The following GRIP1 variants were observed in gnomAD, a reference collection of about 807,000 sequenced individuals.
GRIP1 encodes the protein glutamate receptor-interacting protein 1.
In GRIP1, 45 loss-of-function variants were observed where a neutral mutation model predicts 129.9. The observed-to-expected ratio is 0.35, with a 90% CI of 0.27 to 0.44. The LOEUF (loss-of-function observed/expected upper bound fraction) is 0.44, where lower values mean the gene tolerates loss of function less well. GRIP1 is among the 20% of genes least tolerant of loss of function. The pLI is 1.00. For synonymous variants in GRIP1, 530 were observed against 520.8 expected, an observed-to-expected ratio of 1.02 and a Z score of -0.24; for missense variants, 1,196 against 1,396.8, an observed-to-expected ratio of 0.86 and a Z score of 2.29.
rs887009600 is a variant in GRIP1, at chr12:66,424,557, C to G, written c.1769-3768G>C. Among the ~76,000 whole-genome samples, 26 of 152,260 alleles carry G rather than the reference C, an allele frequency of 1.7e-4. No individual in the cohort carries two copies. The East Asian group carries it at 2.5e-3, about 15-fold the overall frequency. On this transcript the variant is annotated intron_variant, in intron 14 of 24. Transcript: ENST00000359742. ...TAGACCACTAACATACTCATATACC[C>G]TTCTTGTCCCCCCATTTTCCCAATA...
At chr12:66,517,360 T>C (rs1310890923) in intron 6 of GRIP1, among the ~76,000 whole-genome samples, 7 of 152,152 alleles carry the variant, frequency 4.6e-5, no homozygotes, top group African/African-American at 1.7e-4. Flanking sequence ...AAGAAAACTC[T>C]ACAGACTAAT....
Position 66,901,970 on chromosome 12 carries a change from T to C in GRIP1, c.58+167080A>G, listed in dbSNP as rs545073994. Among the ~76,000 whole-genome samples, 11 of 152,338 alleles carry C rather than the reference T, an allele frequency of 7.2e-5. No homozygotes were observed. The East Asian group carries it at 2.1e-3, about 29-fold the overall frequency. Reference sequence around the variant, plus strand: ...TAAGTATTTCTTGCTGAGTTGATCCTTCAGATCATGTGCATATGGGCAGAA... The same window carrying C: ...TAAGTATTTCTTGCTGAGTTGATCCCTCAGATCATGTGCATATGGGCAGAA... On this transcript the variant is annotated intron_variant, in intron 1 of 1. Transcript: ENST00000643019.
At chr12:66,726,214 T>C (rs1007612469) in intron 1 of GRIP1, among the ~76,000 whole-genome samples, 1 of 152,202 alleles carries the variant, frequency 6.6e-6, no homozygotes, top group African/African-American at 2.4e-5. Context: ...CATGAGTTAA[T>C]TTTCTCACAC....
chr12:66,901,029 A>G (rs991820597), intron 1 of GRIP1, among the ~76,000 whole-genome samples: 1 of 152,190 alleles, frequency 6.6e-6, no homozygotes, highest in Non-Finnish European at 1.5e-5. Flanking sequence ...CATGAATGAA[A>G]ATGAACCAGA....
chr12:66,976,299 C>A (rs1343368320), intron 1 of GRIP1, among the ~76,000 whole-genome samples: 3 of 152,258 alleles, frequency 2.0e-5, no homozygotes, highest in East Asian at 1.9e-4. Flanking sequence ...TGATACTGAA[C>A]ATATTTTCAT....
chr12:66,622,086 T>C (rs1029501697), intron 1 of GRIP1, among the ~76,000 whole-genome samples: 2 of 152,154 alleles, frequency 1.3e-5, no homozygotes, highest in Non-Finnish European at 2.9e-5. Context: ...GTACAAAAGG[T>C]TTTAATTTGG....
chr12:66,640,887 A>G (rs1454408685), intron 1 of GRIP1, among the ~76,000 whole-genome samples: 1 of 152,234 alleles, frequency 6.6e-6, no homozygotes, highest in Non-Finnish European at 1.5e-5. Context: ...GAAGTAGTTC[A>G]TAAATCCCAC....
chr12:66,737,692 ATCACT>A (rs1224886986), intron 1 of GRIP1, among the ~76,000 whole-genome samples: 1 of 152,176 alleles, frequency 6.6e-6, no homozygotes, highest in Non-Finnish European at 1.5e-5. Flanking sequence ...ATATTGCCAC[ATCACT>A]TCACTGTATC....
chr12:66,704,213 T>C (rs1047834121), intron 1 of GRIP1, among the ~76,000 whole-genome samples: 7 of 151,862 alleles, frequency 4.6e-5, no homozygotes, highest in African/African-American at 1.7e-4. Flanking sequence ...CAAAAGAACA[T>C]AAAATATCTA....
intron 1 of GRIP1, among the ~76,000 whole-genome samples, chr12:66,702,109 C>A (rs984626442): frequency 6.6e-6 from 1 of 152,094 alleles, no homozygotes; most frequent in Non-Finnish European, 1.5e-5. Flanking sequence ...CTGTATTACC[C>A]GAAGAACAGT....
intron 15 of GRIP1, among the ~76,000 whole-genome samples, chr12:66,414,311 G>A (rs2057507134): frequency 6.6e-6 from 1 of 152,064 alleles, no homozygotes; most frequent in African/African-American, 2.4e-5. Flanking sequence ...TAGGCAAGCA[G>A]AGAGCCAAAT....
exon 1 of GRIP1, chr12:67,069,139 GCT>G (rs2043690911): frequency 2.0e-6 from 2 of 983,368 alleles, no homozygotes; most frequent in Middle Eastern, 5.2e-4. Flanking sequence ...TGTCGGGCTC[GCT>G]CTTTCTCGCT....
intron 1 of GRIP1, among the ~76,000 whole-genome samples, chr12:66,853,858 G>T (rs997933975): frequency 6.6e-6 from 1 of 151,826 alleles, no homozygotes; most frequent in African/African-American, 2.4e-5. Flanking sequence ...AATATGATTG[G>T]TTCCTATCAA....
chr12:66,616,648 T>G (rs1260723885), intron 1 of GRIP1, among the ~76,000 whole-genome samples: 2 of 151,942 alleles, frequency 1.3e-5, no homozygotes, highest in Non-Finnish European at 2.9e-5. Flanking sequence ...GATGGGGAGA[T>G]CTTAGCCTCC....
intron 19 of GRIP1, among the ~76,000 whole-genome samples, chr12:66,382,797 T>C (rs924827806): frequency 2.6e-5 from 4 of 152,122 alleles, no homozygotes; most frequent in African/African-American, 9.7e-5. Context: ...TTGGTATATG[T>C]ATAGGAGAAG....
At chr12:66,754,547 C>G (rs1351331) in intron 1 of GRIP1, among the ~76,000 whole-genome samples, 98,584 of 152,002 alleles carry the variant, frequency 0.65, 32,099 homozygotes, top group Middle Eastern at 0.79. Context: ...ATGAGCCATT[C>G]TGACTCCTAG....
At chr12:66,674,933 C>T (rs909008314) in intron 1 of GRIP1, among the ~76,000 whole-genome samples, 2 of 152,140 alleles carry the variant, frequency 1.3e-5, no homozygotes, top group African/African-American at 4.8e-5. Context: ...GAGCAGTTCC[C>T]TGCCAGCCAC....
At chr12:66,735,615 G>A (rs1229299700) in intron 1 of GRIP1, among the ~76,000 whole-genome samples, 3 of 151,970 alleles carry the variant, frequency 2.0e-5, no homozygotes, top group Admixed American at 6.6e-5. Context: ...GGCAGCAGGA[G>A]GGGAAAAAAA....
intron 1 of GRIP1, among the ~76,000 whole-genome samples, chr12:66,957,790 T>G (rs912739396): frequency 1.4e-4 from 21 of 152,182 alleles, no homozygotes; most frequent in Non-Finnish European, 1.5e-5. Context: ...GTCAGATTTC[T>G]TCACTGTAAA....
Sources: allele counts gnomAD v4.1 joint callset (sites outside exome capture counted in the v4.1 genomes callset), GRCh38; gene constraint gnomAD v4.1.1; transcripts MANE v1.5; gene names NCBI Gene and HGNC (gene_info 2026-07-23, HGNC 2026-07-21).